Variants in VPS35L observed in about 807,000 individuals in gnomAD.
The protein encoded by VPS35L is VPS35 endosomal protein-sorting factor-like.
Under a neutral mutation model 133.0 loss-of-function variants are expected in VPS35L, and 83 were observed. That is an observed-to-expected ratio of 0.62 (90% CI 0.52 to 0.75). The LOEUF is 0.75. Ranked by LOEUF, VPS35L falls within the 30% of genes least tolerant of loss-of-function variation. VPS35L has a pLI of 0.00. For missense variants in VPS35L, 1,083 were observed against 1,206.8 expected, an observed-to-expected ratio of 0.90 and a Z score of 1.52; for synonymous variants, 423 against 449.9, an observed-to-expected ratio of 0.94 and a Z score of 0.76.
At chr16:19,608,455 C>A (rs1296719190) in intron 10 of VPS35L, 181 bp downstream of exon 10, 12 of 550,120 alleles carry the variant, frequency 2.2e-5, no homozygotes, top group Non-Finnish European at 3.2e-5. Flanking sequence ...TGGACTCTTG[C>A]TCTTTCCAGT....
intron 23 of VPS35L, 134 bp downstream of exon 23, chr16:19,645,083 C>A: frequency 5.7e-6 from 3 of 523,804 alleles, no homozygotes; most frequent in Middle Eastern, 3.1e-4. Context: ...AATTAGAAAA[C>A]ATCTTACATT....
intron 7 of VPS35L, among the ~76,000 whole-genome samples, chr16:19,582,688 G>A (rs1971746870): frequency 6.6e-6 from 1 of 152,170 alleles, no homozygotes; most frequent in African/African-American, 2.4e-5. Context: ...CACAATATTT[G>A]CATTGGCAGC....
intron 7 of VPS35L, among the ~76,000 whole-genome samples, chr16:19,584,469 A>T (rs1416492803): frequency 1.3e-5 from 2 of 151,972 alleles, no homozygotes; most frequent in Admixed American, 1.3e-4. Flanking sequence ...TCTACTGAAA[A>T]TACAAAAATT....
chr16:19,680,375 G>A (rs79751426), intron 27 of VPS35L, among the ~76,000 whole-genome samples: 2 of 152,298 alleles, frequency 1.3e-5, no homozygotes, highest in Non-Finnish European at 2.9e-5. Context: ...GAGACAGGGC[G>A]GGATTGAATG....
In VPS35L at chr16:19,564,911, A is replaced by G. The variant is rs150643142; in HGVS notation, c.78A>G (p.Pro26=). ...CATCATGCCGACTGGAGGCTGTACC[A>G]TTGGAGTTTGGGGACTATCACCCTC... ...EFASCRLEAV[P]LEFGDYHPLK... Residue 26 remains proline (P), a synonymous_variant, in exon 2 of 31, where the codon CCA becomes CCG. Coordinates refer to ENST00000417362, the MANE Select transcript of VPS35L (RefSeq NM_020314.7). 4.3e-6 allele frequency: 7 copies of G among 1,613,504 alleles called. No individual in the cohort carries two copies. The African/African-American group carries it at 6.7e-5, about 15-fold the overall frequency.
chr16:19,602,371 G>C (rs1219440884), intron 9 of VPS35L, among the ~76,000 whole-genome samples: 1 of 152,132 alleles, frequency 6.6e-6, no homozygotes, highest in African/African-American at 2.4e-5. Context: ...AGAGCAACCA[G>C]CTTGCTCCAT....
chr16:19,586,032 G>A (rs1971853082), intron 7 of VPS35L, among the ~76,000 whole-genome samples: 1 of 152,028 alleles, frequency 6.6e-6, no homozygotes, highest in Admixed American at 6.6e-5. Context: ...CCAGTAGCTA[G>A]GAGTATAGAC....
intron 8 of VPS35L, among the ~76,000 whole-genome samples, chr16:19,597,861 G>A (rs1972265510): frequency 6.6e-6 from 1 of 152,146 alleles, no homozygotes; most frequent in Non-Finnish European, 1.5e-5. Flanking sequence ...CCATTTTTCT[G>A]CACATGGTCA....
intron 28 of VPS35L, among the ~76,000 whole-genome samples, chr16:19,685,149 G>A (rs1443214602): frequency 7.2e-5 from 11 of 151,886 alleles, no homozygotes; most frequent in African/African-American, 2.4e-4. Context: ...GTGAACACTC[G>A]CAGGTAACCA....
At chr16:19,596,818 G>A (rs746828681) in intron 8 of VPS35L, among the ~76,000 whole-genome samples, 2 of 151,502 alleles carry the variant, frequency 1.3e-5, no homozygotes, top group Non-Finnish European at 2.9e-5. Context: ...TTAGGAATTC[G>A]AGACCAGCCT....
chr16:19,601,614 T>C (rs1449136982), intron 8 of VPS35L, 50 bp from the exon 9 acceptor site: 2 of 1,566,592 alleles, frequency 1.3e-6, no homozygotes, highest in African/African-American at 1.4e-5. Flanking sequence ...TTATTTACTG[T>C]TTGCTCCTGA....
chr16:19,594,848 A>C (rs1164549872), intron 8 of VPS35L, among the ~76,000 whole-genome samples: 1 of 151,608 alleles, frequency 6.6e-6, no homozygotes, highest in Non-Finnish European at 1.5e-5. Context: ...TAGGGGTGCA[A>C]GTTTAAGTAA....
At chr16:19,690,916 C>T (rs1428491296) in intron 28 of VPS35L, among the ~76,000 whole-genome samples, 5 of 151,460 alleles carry the variant, frequency 3.3e-5, no homozygotes, top group Non-Finnish European at 5.9e-5. Flanking sequence ...CAGCCAAGAT[C>T]GTGCCACTGC....
intron 14 of VPS35L, among the ~76,000 whole-genome samples, chr16:19,621,789 T>G (rs1973090318): frequency 1.3e-5 from 2 of 152,218 alleles, no homozygotes; most frequent in East Asian, 1.9e-4. Flanking sequence ...CAACAGAGCC[T>G]TTGGTTTTTT....
chr16:19,698,919 C>A (rs1976011697), intron 29 of VPS35L, among the ~76,000 whole-genome samples: 1 of 152,142 alleles, frequency 6.6e-6, no homozygotes. Context: ...TGCCGTGACA[C>A]TGTGGTTAGA....
At chr16:19,653,831 C>T (rs769638602) in intron 26 of VPS35L, among the ~76,000 whole-genome samples, 4 of 152,246 alleles carry the variant, frequency 2.6e-5, no homozygotes, top group Non-Finnish European at 5.9e-5. Context: ...ACTGGAGCAG[C>T]TCTGGGCAGT....
intron 1 of VPS35L, among the ~76,000 whole-genome samples, chr16:19,560,913 G>A (rs1203863843): frequency 2.6e-5 from 4 of 151,244 alleles, no homozygotes; most frequent in African/African-American, 4.9e-5. Flanking sequence ...TAAATAAATC[G>A]AGGATTGCCT....
intron 27 of VPS35L, among the ~76,000 whole-genome samples, chr16:19,673,333 G>C (rs1319381670): frequency 1.3e-5 from 2 of 152,188 alleles, no homozygotes; most frequent in Admixed American, 1.3e-4. Context: ...TGAAAAATCA[G>C]GTCCTATCAC....
chr16:19,656,078 C>T (rs1729429331), intron 26 of VPS35L, among the ~76,000 whole-genome samples: 2 of 151,868 alleles, frequency 1.3e-5, no homozygotes, highest in Admixed American at 6.6e-5. Context: ...GCCTGGCCAA[C>T]ATGGTGAAAC....
Sources: allele counts gnomAD v4.1 joint callset (sites outside exome capture counted in the v4.1 genomes callset), GRCh38; gene constraint gnomAD v4.1.1; transcripts MANE v1.5; gene names NCBI Gene and HGNC (gene_info 2026-07-23, HGNC 2026-07-21).